The following SEMA5A variants were observed in gnomAD, a reference collection of about 807,000 sequenced individuals.
SEMA5A encodes semaphorin 5A.
SEMA5A carries 55 observed loss-of-function variants against 135.5 expected under a neutral mutation model. That is an observed-to-expected ratio of 0.41 (90% CI 0.33 to 0.51). SEMA5A has a LOEUF of 0.51. Ranked by LOEUF, SEMA5A falls within the 20% of genes least tolerant of loss-of-function variation. SEMA5A has a pLI of 0.37. For missense variants in SEMA5A, 1,290 were observed against 1,419.9 expected, an observed-to-expected ratio of 0.91 and a Z score of 1.47; for synonymous variants, 580 against 546.5, an observed-to-expected ratio of 1.06 and a Z score of -0.85.
At position 9,137,994 on chromosome 5, in the gene SEMA5A, G is replaced by C. The variant is rs1741854978; in HGVS notation, c.1482-1373C>G. ...GATCGATTTGAAGGCTGTACAGCTAGGGAAGATATGTTTACAGTTGATAAA... is the reference window on the plus strand; with the variant it reads ...GATCGATTTGAAGGCTGTACAGCTACGGAAGATATGTTTACAGTTGATAAA... On this transcript the variant is annotated intron_variant, in intron 12 of 22. Transcript: ENST00000382496. 7.2e-5 allele frequency among the ~76,000 whole-genome samples: 11 copies of C among 152,268 alleles called. No individual in the cohort carries two copies. In the South Asian group the frequency reaches 2.3e-3, roughly 32 times the overall value.
intron 3 of SEMA5A, among the ~76,000 whole-genome samples, chr5:9,354,931 G>A: frequency 6.6e-6 from 1 of 152,196 alleles, no homozygotes; most frequent in Non-Finnish European, 1.5e-5. Flanking sequence ...AATTAAGCAA[G>A]AGAAGCAGGA....
chr5:9,197,383 G>A (rs1745453835), intron 9 of SEMA5A, 80 bp from the exon 10 acceptor site: 9 of 1,520,450 alleles, frequency 5.9e-6, no homozygotes, highest in Admixed American at 3.7e-5. Flanking sequence ...CTGGGCAGCA[G>A]CTGTGACCTA....
chr5:9,400,629 C>T lies in SEMA5A; in HGVS notation c.-77-20606G>A, dbSNP rs1421037638. 1.8e-5 allele frequency among the ~76,000 whole-genome samples: 2 copies of T among 109,732 alleles called. 1 individual carries two copies. The highest frequency in any genetic ancestry group is 3.7e-5 in the Non-Finnish European group (2 of 53,880). The allele number at this position is 109,732 out of a possible 152,430, so 72.0% of individuals were successfully genotyped here. A position where few individuals can be genotyped will look rare whatever the true frequency, so the allele number is the denominator to read the frequency against. On this transcript the variant is annotated intron_variant, in intron 2 of 22. Coordinates refer to ENST00000382496, the MANE Select transcript of SEMA5A (RefSeq NM_003966.3). ...TCACGCCATTCTCCCGCCTCAGCCT[C>T]CCAAGTAGCTGGGACTACAGGCGCC...
chr5:9,115,345 T>C (rs566180937), intron 15 of SEMA5A, among the ~76,000 whole-genome samples: 5 of 152,222 alleles, frequency 3.3e-5, no homozygotes, highest in African/African-American at 9.6e-5. Context: ...CCAAGAACCA[T>C]AAAACATTAT....
chr5:9,044,575 A>T lies in SEMA5A; in HGVS notation c.2903T>A (p.Met968Lys). ...VEEKRCGEFN[M>K]FHMIAVGLSS... ...CAGCCCCACGGCGATCATGTGGAAC[A>T]TGTTGAACTCTAGGGAGACATGAGC... is the stretch of plus-strand genomic sequence containing the variant. Residue 968 changes from methionine to lysine, a missense_variant, in exon 22 of 23, where the codon ATG becomes AAG. Physicochemically the swap from Met to Lys is moderately conservative, Grantham distance 95. Around this residue, in one of 3 missense-constraint regions of SEMA5A, gnomAD observed 1,029 missense variants for 1,086.6 expected, o/e 0.95. Transcript: ENST00000382496. The T allele has an allele frequency of 1.9e-6, 3 of 1,614,026 alleles. No individual in the cohort carries two copies. Among genetic ancestry groups the T allele is most frequent in the Non-Finnish European group, 2.5e-6 (3 of 1,180,004 alleles).
intron 4 of SEMA5A, 107 bp from the exon 5 acceptor site, chr5:9,318,524 C>A: frequency 1.1e-6 from 1 of 884,164 alleles, no homozygotes; most frequent in South Asian, 1.7e-5. Flanking sequence ...ACTTCAAAAG[C>A]ATCTTCTTTC....
chr5:9,427,666 G>A (rs1160465681), intron 2 of SEMA5A, among the ~76,000 whole-genome samples: 3 of 152,192 alleles, frequency 2.0e-5, no homozygotes, highest in Non-Finnish European at 2.9e-5. Context: ...GGGATGTAAG[G>A]AAGGTGAGTG....
At position 9,036,638 on chromosome 5, in the gene SEMA5A, A is replaced by C. The variant is rs1385708324; in HGVS notation, c.*6259T>G. On this transcript the variant is annotated 3_prime_UTR_variant, in exon 23 of 23. Coordinates refer to ENST00000382496, the MANE Select transcript of SEMA5A (RefSeq NM_003966.3). Reference sequence around the variant, plus strand: ...CACCTCTCTTCTGAGCATATGTTGTACCTATTCTGGTTCTACATCCCCAGT... The same window carrying C: ...CACCTCTCTTCTGAGCATATGTTGTCCCTATTCTGGTTCTACATCCCCAGT... 3 of 152,580 alleles carry C rather than the reference A, an allele frequency of 2.0e-5. No individual in the cohort carries two copies. Among genetic ancestry groups the C allele is most frequent in the African/African-American group, 7.2e-5 (3 of 41,458 alleles). 9.5% of individuals were successfully genotyped at this position (152,580 alleles called of 1,614,324 possible).
chr5:9,085,899 G>A (rs1738656660), intron 16 of SEMA5A, among the ~76,000 whole-genome samples: 1 of 152,202 alleles, frequency 6.6e-6, no homozygotes, highest in African/African-American at 2.4e-5. Context: ...CAGAGTTGGA[G>A]CTGCCCAAGA....
chr5:9,167,561 T>G (rs1743682442), intron 11 of SEMA5A, among the ~76,000 whole-genome samples: 1 of 152,208 alleles, frequency 6.6e-6, no homozygotes, highest in South Asian at 2.1e-4. Context: ...ACTTTCTAGA[T>G]CTGCATGCTT....
At chr5:9,338,223 G>C (rs1007083773) in intron 3 of SEMA5A, among the ~76,000 whole-genome samples, 2 of 152,176 alleles carry the variant, frequency 1.3e-5, no homozygotes, top group African/African-American at 4.8e-5. Context: ...AGCCTCCTTA[G>C]GAGCAAGGAC....
At chr5:9,150,848 G>A (rs1240900480) in intron 12 of SEMA5A, among the ~76,000 whole-genome samples, 1 of 152,216 alleles carries the variant, frequency 6.6e-6, no homozygotes, top group South Asian at 2.1e-4. Context: ...GCTTCTGCCT[G>A]TCTGGGTACT....
At chr5:9,329,683 T>A (rs114425041) in intron 4 of SEMA5A, among the ~76,000 whole-genome samples, 2,023 of 152,338 alleles carry the variant, frequency 0.013, 49 homozygotes, top group African/African-American at 0.046. Flanking sequence ...TCAATTATTA[T>A]CACAGCCCTT....
intron 11 of SEMA5A, among the ~76,000 whole-genome samples, chr5:9,171,663 G>C (rs1743929167): frequency 1.3e-5 from 2 of 152,132 alleles, no homozygotes; most frequent in African/African-American, 4.8e-5. Context: ...GGAAAATCAT[G>C]AGTCTTAACC....
At chr5:9,516,892 T>G (rs952629018) in intron 1 of SEMA5A, 3 of 152,214 alleles carry the variant, frequency 2.0e-5, no homozygotes, top group African/African-American at 7.2e-5. Flanking sequence ...AACACACCCA[T>G]TATTTACATC....
intron 1 of SEMA5A, among the ~76,000 whole-genome samples, chr5:9,534,182 G>A (rs889813172): frequency 6.6e-6 from 1 of 152,064 alleles, no homozygotes; most frequent in African/African-American, 2.4e-5. Context: ...GGGCCCTGAG[G>A]GCCTCCCACA....
At chr5:9,150,395 C>T (rs1742568604) in intron 12 of SEMA5A, among the ~76,000 whole-genome samples, 1 of 152,082 alleles carries the variant, frequency 6.6e-6, no homozygotes, top group Admixed American at 6.5e-5. Flanking sequence ...ACTCTACATC[C>T]CCAGAGATCA....
At chr5:9,272,891 C>G (rs1343290416) in intron 5 of SEMA5A, among the ~76,000 whole-genome samples, 1 of 152,054 alleles carries the variant, frequency 6.6e-6, no homozygotes, top group Non-Finnish European at 1.5e-5. Flanking sequence ...TAGATAAATC[C>G]ACGAAGATGG....
chr5:9,541,535 C>CA (rs1439054423), intron 1 of SEMA5A, among the ~76,000 whole-genome samples: 1 of 151,986 alleles, frequency 6.6e-6, no homozygotes, highest in Non-Finnish European at 1.5e-5. Context: ...ATCAGGAAAC[C>CA]AATTCTAGGA....
Sources: gnomAD v4.1 joint callset for allele counts (sites outside exome capture counted in the v4.1 genomes callset) on GRCh38, gnomAD v4.1.1 for gene constraint, gnomAD v4.1.1 regional missense constraint, MANE v1.5 for transcripts, NCBI Gene and HGNC (gene_info 2026-07-23, HGNC 2026-07-21) for gene names.